The following PRKAG2 variants were observed in gnomAD, a reference collection of about 807,000 sequenced individuals.
PRKAG2 encodes the protein protein kinase AMP-activated non-catalytic subunit gamma 2, also known as 5'-AMP-activated protein kinase subunit gamma-2.
Under a neutral mutation model 69.6 loss-of-function variants are expected in PRKAG2, and 26 were observed. That is an observed-to-expected ratio of 0.37 (90% CI 0.27 to 0.52). The LOEUF is 0.52. Ranked by LOEUF, PRKAG2 falls within the 20% of genes least tolerant of loss-of-function variation. PRKAG2 has a pLI of 0.90. For missense variants in PRKAG2, 557 were observed against 740.0 expected, an observed-to-expected ratio of 0.75 and a Z score of 2.87; for synonymous variants, 293 against 285.0, an observed-to-expected ratio of 1.03 and a Z score of -0.28.
intron 12 of PRKAG2, 84 bp downstream of exon 12, chr7:151,565,636 G>A (rs888855696): frequency 9.5e-5 from 145 of 1,528,164 alleles, no homozygotes; most frequent in African/African-American, 8.1e-4. Flanking sequence ...TTTTCCCCAC[G>A]TATCTCCTGT....
At chr7:151,707,624 C>T (rs7781082) in intron 3 of PRKAG2, among the ~76,000 whole-genome samples, 6,283 of 152,194 alleles carry the variant, frequency 0.041, 441 homozygotes, top group African/African-American at 0.14. Context: ...ACTCAGTTCT[C>T]CAAGCCAAAT....
chr7:151,576,327 T>C (rs758377531), intron 7 of PRKAG2, 44 bp downstream of exon 7: 5 of 1,480,104 alleles, frequency 3.4e-6, no homozygotes, highest in Non-Finnish European at 3.8e-6. Flanking sequence ...CTTTCTGCTT[T>C]CAAGGTTTCC....
chr7:151,687,854 G>A (rs1325854447), intron 3 of PRKAG2, among the ~76,000 whole-genome samples: 5 of 152,236 alleles, frequency 3.3e-5, no homozygotes, highest in Non-Finnish European at 5.9e-5. Context: ...CGCACCAGGC[G>A]AGGTGGGTGC....
At chr7:151,726,371 G>GACAC (rs60238080) in intron 3 of PRKAG2, among the ~76,000 whole-genome samples, 1,575 of 148,258 alleles carry the variant, frequency 0.011, 13 homozygotes, top group South Asian at 0.038. Flanking sequence ...AGGGAGGCAG[G>GACAC]ACACACACAC....
intron 14 of PRKAG2, among the ~76,000 whole-genome samples, chr7:151,563,248 G>A (rs1013571512): frequency 7.9e-5 from 12 of 152,126 alleles, no homozygotes; most frequent in African/African-American, 2.7e-4. Context: ...CCTTCTGTGA[G>A]GAGTCATCTT....
chr7:151,830,023 T>C (rs2078988465), intron 1 of PRKAG2, among the ~76,000 whole-genome samples: 1 of 151,612 alleles, frequency 6.6e-6, no homozygotes, highest in Non-Finnish European at 1.5e-5. Context: ...CCACACTTTC[T>C]GCGTTATAGA....
chr7:151,629,361 A>G (rs1823818574), intron 5 of PRKAG2, among the ~76,000 whole-genome samples: 1 of 152,112 alleles, frequency 6.6e-6, no homozygotes, highest in Non-Finnish European at 1.5e-5. Flanking sequence ...TTTCAAAAAG[A>G]TCTGTGGCTA....
chr7:151,854,996 CATG>C (rs202121495), intron 1 of PRKAG2, among the ~76,000 whole-genome samples: 1 of 22,954 alleles, frequency 4.4e-5, no homozygotes, highest in Admixed American at 4.5e-4. Context: ...CCACACACAC[CATG>C]CTCCACACAC....
chr7:151,598,447 T>C (rs1173232606), intron 5 of PRKAG2, among the ~76,000 whole-genome samples: 2 of 152,180 alleles, frequency 1.3e-5, no homozygotes, highest in Non-Finnish European at 2.9e-5. Flanking sequence ...GGATTTTGAA[T>C]GTTCCTGCCA....
rs1806569221 is a variant in PRKAG2, at chr7:151,567,654, CA to C, written c.1233+1061del. ...CTAGATTATCGCCTTTATTAAACTT[CA>C]GACTTGAGTTTTTTTGTAAATTACT... is the stretch of plus-strand genomic sequence containing the variant. On this transcript the variant is annotated intron_variant, in intron 11 of 15. Coordinates refer to ENST00000287878, the MANE Select transcript of PRKAG2 (RefSeq NM_016203.4). This position sits in a 1 kb window ranked among gnomAD's most constrained non-coding sequence, Gnocchi z 4.2. 6.6e-6 allele frequency among the ~76,000 whole-genome samples: 1 copy of C among 152,208 alleles called. No homozygotes were observed. Among genetic ancestry groups the C allele is most frequent in the Non-Finnish European group, 1.5e-5 (1 of 68,030 alleles).
At chr7:151,739,912 C>T (rs959413202) in intron 3 of PRKAG2, among the ~76,000 whole-genome samples, 19 of 152,234 alleles carry the variant, frequency 1.2e-4, no homozygotes, top group Non-Finnish European at 2.5e-4. Context: ...TGAGCCCTCC[C>T]TCATCACTCC....
chr7:151,614,949 C>T lies in PRKAG2; in HGVS notation c.754+17120G>A, dbSNP rs191592541. Among the ~76,000 whole-genome samples, 19 of 152,152 alleles carry T rather than the reference C, an allele frequency of 1.2e-4. No homozygotes were observed. The highest frequency in any genetic ancestry group is 7.8e-4 in the East Asian group (4 of 5,156). On this transcript the variant is annotated intron_variant, in intron 5 of 15. Transcript: ENST00000287878. This position sits in a 1 kb window ranked among gnomAD's most constrained non-coding sequence, Gnocchi z 4.4. ...AGCCGTGTGGATCTAGAGGGAACCT[C>T]GAGAGAGGAGCCGTATGGATCCAGA...
At chr7:151,855,145 TAC>T (rs1456537203) in intron 1 of PRKAG2, among the ~76,000 whole-genome samples, 1 of 36,192 alleles carries the variant, frequency 2.8e-5, no homozygotes, top group Non-Finnish European at 4.7e-5. Flanking sequence ...CACACCACCC[TAC>T]ACACACACCA....
chr7:151,649,645 C>T lies in PRKAG2; in HGVS notation c.685-17507G>A, dbSNP rs569245968. ...AGCACAATCCCCTCAGTGCTGTCCT[C>T]GTGATAGTCAGTGAATTTTCATGAG... On this transcript the variant is annotated intron_variant, in intron 4 of 15. Coordinates refer to ENST00000287878, the MANE Select transcript of PRKAG2 (RefSeq NM_016203.4). Among the ~76,000 whole-genome samples the T allele has an allele frequency of 7.9e-5, 12 of 152,206 alleles. No individual in the cohort carries two copies. The South Asian group carries it at 1.2e-3, about 16-fold the overall frequency.
chr7:151,790,156 G>A (rs573473048), intron 1 of PRKAG2, among the ~76,000 whole-genome samples: 6 of 152,206 alleles, frequency 3.9e-5, no homozygotes, highest in South Asian at 2.1e-4. Flanking sequence ...CCGGCCCATA[G>A]CAATGCAGGA....
intron 6 of PRKAG2, among the ~76,000 whole-genome samples, chr7:151,594,675 T>C (rs752364990): frequency 2.4e-4 from 37 of 152,336 alleles, no homozygotes; most frequent in Non-Finnish European, 5.1e-4. Context: ...AGCGAGGCCA[T>C]ACAGTTTAAT....
chr7:151,793,783 G>A (rs77817261), intron 1 of PRKAG2, among the ~76,000 whole-genome samples: 2,781 of 152,332 alleles, frequency 0.018, 88 homozygotes, highest in African/African-American at 0.061. Context: ...ACTGATGGGC[G>A]GCAGGAGGTG....
intron 4 of PRKAG2, among the ~76,000 whole-genome samples, chr7:151,661,230 G>T (rs1830272636): frequency 6.6e-6 from 1 of 152,144 alleles, no homozygotes; most frequent in Non-Finnish European, 1.5e-5. Flanking sequence ...CTGTCACCCA[G>T]GCTGGAGTGC....
intron 3 of PRKAG2, among the ~76,000 whole-genome samples, chr7:151,742,375 C>T (rs1226564088): frequency 6.6e-6 from 1 of 152,164 alleles, no homozygotes; most frequent in African/African-American, 2.4e-5. Context: ...CGCCTGTAAT[C>T]CCAGCACTTT....
Sources: gnomAD v4.1 joint callset for allele counts (sites outside exome capture counted in the v4.1 genomes callset) on GRCh38, gnomAD v4.1.1 for gene constraint, Gnocchi (gnomAD v3.1) non-coding constraint, MANE v1.5 for transcripts, NCBI Gene and HGNC (gene_info 2026-07-23, HGNC 2026-07-21) for gene names.